LDAH: variants seen among roughly 807,000 people sequenced by gnomAD.
The protein encoded by LDAH is lipid droplet-associated hydrolase.
In LDAH, 26 loss-of-function variants were observed where a neutral mutation model predicts 29.6. The observed-to-expected ratio is 0.88, with a 90% CI of 0.64 to 1.22. The LOEUF (loss-of-function observed/expected upper bound fraction) is 1.22, where lower values mean the gene tolerates loss of function less well. Among genes scored for constraint, LDAH ranks in the 50% most tolerant of loss-of-function variants. LDAH has a pLI of 0.00. For synonymous variants in LDAH, 117 were observed against 133.0 expected (o/e 0.88, Z 0.83); for missense variants, 344 against 387.3 (o/e 0.89, Z 0.94).
At chr2:20,751,931 C>G (rs1002037632) in intron 4 of LDAH, among the ~76,000 whole-genome samples, 3 of 152,082 alleles carry the variant, frequency 2.0e-5, no homozygotes, top group African/African-American at 7.2e-5. Context: ...TGCTCTGTTG[C>G]CCAAGCTAGA....
chr2:20,801,275 A>G, intron 2 of LDAH, 35 bp downstream of exon 2: 2 of 1,592,782 alleles, frequency 1.3e-6, no homozygotes, highest in Non-Finnish European at 1.7e-6. Flanking sequence ...ATGAGTATCT[A>G]CAAAAAGTCT....
chr2:20,753,253 C>T (rs1215773249), intron 4 of LDAH, among the ~76,000 whole-genome samples: 2 of 152,140 alleles, frequency 1.3e-5, no homozygotes, highest in Non-Finnish European at 2.9e-5. Context: ...ACAAAAGAAA[C>T]ATTTTCATCT....
At chr2:20,752,052 A>G (rs1296180303) in intron 4 of LDAH, among the ~76,000 whole-genome samples, 4 of 151,966 alleles carry the variant, frequency 2.6e-5, no homozygotes, top group African/African-American at 9.7e-5. Flanking sequence ...CCACCACACC[A>G]GGCTAATTTT....
In LDAH at chr2:20,697,965, TA is replaced by T. The variant is rs552396997; in HGVS notation, c.786+3604del. On this transcript the variant is annotated intron_variant, in intron 6 of 6. Coordinates refer to ENST00000237822, the MANE Select transcript of LDAH (RefSeq NM_021925.4). ...AAACATTATACTTATCATTACAAAT[TA>T]AAAAAAAATTCTGACTGCTATTATA... Among the ~76,000 whole-genome samples, 924 of 151,894 alleles carry T rather than the reference TA, an allele frequency of 6.1e-3. 7 individuals are homozygous for T. Among genetic ancestry groups the T allele is most frequent in the Non-Finnish European group, 9.0e-3 (614 of 67,938 alleles).
intron 2 of LDAH, among the ~76,000 whole-genome samples, chr2:20,791,588 G>C (rs77198935): frequency 2.6e-5 from 4 of 152,080 alleles, no homozygotes; most frequent in Non-Finnish European, 5.9e-5. Flanking sequence ...TTGTCAAATA[G>C]GATGAAAACT....
chr2:20,750,049 A>T (rs934630448), intron 4 of LDAH, among the ~76,000 whole-genome samples: 2 of 142,684 alleles, frequency 1.4e-5, no homozygotes, highest in Admixed American at 7.1e-5. Context: ...TTTTTGAAAC[A>T]AAGTCTCATT....
rs547728063 is a variant in LDAH, at chr2:20,801,786, G to C, written c.-2-321C>G. On this transcript the variant is annotated intron_variant, in intron 1 of 6. Coordinates refer to ENST00000237822, the MANE Select transcript of LDAH (RefSeq NM_021925.4). ...CTTTTAGCTCTGTGCATTACCATGAGACAGGTTCCCCTACCTTCACCTGGT... is the reference window on the plus strand; with the variant it reads ...CTTTTAGCTCTGTGCATTACCATGACACAGGTTCCCCTACCTTCACCTGGT... 7.2e-5 allele frequency among the ~76,000 whole-genome samples: 11 copies of C among 152,194 alleles called. No individual in the cohort carries two copies. In the South Asian group the frequency reaches 2.3e-3, roughly 31 times the overall value.
At chr2:20,725,745 T>C (rs1282271954) in intron 5 of LDAH, among the ~76,000 whole-genome samples, 1 of 152,204 alleles carries the variant, frequency 6.6e-6, no homozygotes, top group Admixed American at 6.5e-5. Context: ...AGGGAGGACA[T>C]TCTCTTTTTA....
intron 3 of LDAH, among the ~76,000 whole-genome samples, chr2:20,786,146 G>C (rs1195871066): frequency 1.3e-5 from 2 of 152,086 alleles, no homozygotes; most frequent in African/African-American, 4.8e-5. Flanking sequence ...GACCTTTTAT[G>C]TGAGGCTATA....
intron 1 of LDAH, among the ~76,000 whole-genome samples, chr2:20,811,867 G>T (rs1456263315): frequency 4.6e-5 from 7 of 152,062 alleles, no homozygotes; most frequent in African/African-American, 9.7e-5. Flanking sequence ...AAATAATCTT[G>T]TTTAGATTAT....
rs1487480075 is a variant in LDAH, at chr2:20,697,401, T to C, written c.786+4169A>G. 2.6e-5 allele frequency among the ~76,000 whole-genome samples: 4 copies of C among 152,240 alleles called. No individual in the cohort carries two copies. In the East Asian group the frequency reaches 7.7e-4, roughly 29 times the overall value. On this transcript the variant is annotated intron_variant, in intron 6 of 6. Coordinates refer to ENST00000237822, the MANE Select transcript of LDAH (RefSeq NM_021925.4). ...CTCCCCAACTCATATTTCATCCTTT[T>C]CTAGTATTATACCACACATTTGCCC...
At chr2:20,775,649 T>G (rs1016032271) in intron 3 of LDAH, among the ~76,000 whole-genome samples, 2 of 152,232 alleles carry the variant, frequency 1.3e-5, no homozygotes, top group African/African-American at 4.8e-5. Flanking sequence ...CTGTCCCTTT[T>G]AAATAATCAG....
intron 4 of LDAH, among the ~76,000 whole-genome samples, chr2:20,750,022 A>AC (rs1326746681): frequency 6.4e-5 from 7 of 110,078 alleles, no homozygotes; most frequent in Non-Finnish European, 1.1e-4. Context: ...GCCTTACTAA[A>AC]CTTTTTTTTT....
At chr2:20,736,169 C>T (rs887461369) in intron 5 of LDAH, among the ~76,000 whole-genome samples, 4 of 152,218 alleles carry the variant, frequency 2.6e-5, no homozygotes, top group Admixed American at 2.0e-4. Context: ...AGGCCAGGTG[C>T]GGTGGCTCAC....
rs140592639 is a variant in LDAH at position 20,691,687 on chromosome 2, G to A, written c.787-4593C>T. The stretch of plus-strand genomic sequence containing the variant: ...CCTTAGCACTTGTTTTGGAACTCAT[G>A]AGAGTTGATAAAAAGTATACATTAT... On this transcript the variant is annotated intron_variant, in intron 6 of 6. Coordinates refer to ENST00000237822, the MANE Select transcript of LDAH (RefSeq NM_021925.4). Among the ~76,000 whole-genome samples, 437 of 152,378 alleles carry A rather than the reference G, an allele frequency of 2.9e-3. 1 individual carries two copies. Among genetic ancestry groups the A allele is most frequent in the African/African-American group, 0.01 (422 of 41,594 alleles).
chr2:20,708,808 A>G (rs1193289621), intron 5 of LDAH, among the ~76,000 whole-genome samples: 1 of 152,220 alleles, frequency 6.6e-6, no homozygotes, highest in Non-Finnish European at 1.5e-5. Context: ...CACAAGTGAC[A>G]AAAATAAATA....
intron 5 of LDAH, among the ~76,000 whole-genome samples, chr2:20,713,590 G>C (rs941003694): frequency 5.3e-5 from 8 of 152,140 alleles, no homozygotes; most frequent in African/African-American, 1.9e-4. Context: ...ACACAGACTG[G>C]CAAATTGGAT....
intron 1 of LDAH, among the ~76,000 whole-genome samples, chr2:20,812,681 T>C (rs1377464312): frequency 6.6e-6 from 1 of 152,104 alleles, no homozygotes; most frequent in African/African-American, 2.4e-5. Flanking sequence ...AAGGAACAAT[T>C]AGAAACAGGC....
Position 20,801,296 on chromosome 2 carries a change from A to G in LDAH, c.154+14T>C. On this transcript the variant is annotated intron_variant, in intron 2 of 6. Coordinates refer to ENST00000237822, the MANE Select transcript of LDAH (RefSeq NM_021925.4). ...ATCTACAAAAAGTCTCCTCACCCAG[A>G]CTTTTACGCTCACCAGGAATAATGA... 6.2e-7 allele frequency: 1 copy of G among 1,605,514 alleles called. No homozygotes were observed. Among genetic ancestry groups the G allele is most frequent in the Non-Finnish European group, 8.5e-7 (1 of 1,177,344 alleles).
Sources: gnomAD v4.1 joint callset for allele counts (sites outside exome capture counted in the v4.1 genomes callset) on GRCh38, gnomAD v4.1.1 for gene constraint, MANE v1.5 for transcripts, NCBI Gene and HGNC (gene_info 2026-07-23, HGNC 2026-07-21) for gene names.